The following RRAGD variants were observed in gnomAD, a reference collection of about 807,000 sequenced individuals.
RRAGD encodes the protein Ras related GTP binding D, also known as ras-related GTP-binding protein D.
In RRAGD, 12 loss-of-function variants were observed where a neutral mutation model predicts 35.5. The observed-to-expected ratio is 0.34, with a 90% CI of 0.22 to 0.55. The LOEUF (loss-of-function observed/expected upper bound fraction) is 0.55, where lower values mean the gene tolerates loss of function less well. Among genes scored for constraint, RRAGD ranks in the 20% least tolerant of loss-of-function variants. The pLI is 0.91. For synonymous variants in RRAGD, 155 were observed against 178.9 expected (o/e 0.87, Z 1.07); for missense variants, 324 against 490.1 (o/e 0.66, Z 3.20).
rs58343827 is a variant in RRAGD, at chr6:89,382,400, A to AATATATATATATATATATATATAT, written c.445-2034_445-2033insATATATATATATATATATATATAT. ...ACACAGTGAGACCCCTATCTCTAGA[A>AATATATATATATATATATATATAT]ATATATATATATATATATATATGTA... is the stretch of plus-strand genomic sequence containing the variant. On this transcript the variant is annotated intron_variant, in intron 2 of 6. Transcript: ENST00000369415. Among the ~76,000 whole-genome samples, 641 of 130,670 alleles carry AATATATATATATATATATATATAT rather than the reference A, an allele frequency of 4.9e-3. 11 individuals are homozygous for AATATATATATATATATATATATAT. Among genetic ancestry groups the AATATATATATATATATATATATAT allele is most frequent in the Admixed American group, 0.015 (189 of 12,652 alleles). 85.7% of individuals were successfully genotyped at this position (130,670 alleles called of 152,430 possible).
intron 1 of RRAGD, among the ~76,000 whole-genome samples, chr6:89,410,328 A>G (rs893836152): frequency 6.6e-6 from 1 of 152,094 alleles, no homozygotes; most frequent in Non-Finnish European, 1.5e-5. Flanking sequence ...TGTGTCCACC[A>G]TTTCAAATAC....
At chr6:89,396,265 A>G (rs1005425584) in intron 1 of RRAGD, among the ~76,000 whole-genome samples, 1 of 152,164 alleles carries the variant, frequency 6.6e-6, no homozygotes, top group African/African-American at 2.4e-5. Flanking sequence ...AAAAAATAAT[A>G]AAGTAAAAGA....
At chr6:89,404,847 A>G (rs1460476950) in intron 1 of RRAGD, among the ~76,000 whole-genome samples, 2 of 152,176 alleles carry the variant, frequency 1.3e-5, no homozygotes, top group South Asian at 2.1e-4. Context: ...GAAAATGGGA[A>G]TTGAAAGCCA....
At chr6:89,380,057 G>C in intron 3 of RRAGD, 111 bp downstream of exon 3, 1 of 891,744 alleles carries the variant, frequency 1.1e-6, no homozygotes, top group Non-Finnish European at 1.8e-6. Flanking sequence ...ATGAAACAGG[G>C]TAAAAAGAAG....
At chr6:89,397,604 AAAAAAAAAAC>A (rs572859401) in intron 1 of RRAGD, among the ~76,000 whole-genome samples, 1,442 of 138,144 alleles carry the variant, frequency 0.01, 11 homozygotes, top group South Asian at 0.03. Flanking sequence ...ACTCCGTCTC[AAAAAAAAAAC>A]AAAAAAAAAC....
chr6:89,410,857 C>T (rs1769678915), intron 1 of RRAGD, among the ~76,000 whole-genome samples: 1 of 152,164 alleles, frequency 6.6e-6, no homozygotes, highest in Non-Finnish European at 1.5e-5. Context: ...CACACAATTT[C>T]TTCAGTGTGA....
intron 1 of RRAGD, among the ~76,000 whole-genome samples, chr6:89,394,269 G>T (rs1422461466): frequency 6.6e-6 from 1 of 151,434 alleles, no homozygotes; most frequent in Admixed American, 6.6e-5. Context: ...AAATATCAAG[G>T]ATATCTATAG....
chr6:89,390,102 G>A (rs1769204198), intron 1 of RRAGD, among the ~76,000 whole-genome samples: 1 of 152,126 alleles, frequency 6.6e-6, no homozygotes, highest in South Asian at 2.1e-4. Flanking sequence ...TATTTAAGAA[G>A]GCAACATAGG....
chr6:89,384,813 C>CAAAA (rs34091216), intron 2 of RRAGD, among the ~76,000 whole-genome samples: 3 of 101,592 alleles, frequency 3.0e-5, no homozygotes, highest in Non-Finnish European at 6.4e-5. Context: ...GACTCCGTCT[C>CAAAA]AAAAAAAAAA....
chr6:89,387,240 G>A (rs1444543874), intron 2 of RRAGD, 55 bp downstream of exon 2: 1 of 1,535,752 alleles, frequency 6.5e-7, no homozygotes, highest in Non-Finnish European at 8.9e-7. Flanking sequence ...AAAAACATGG[G>A]GTGGGGTGGA....
At chr6:89,394,781 G>T (rs1769301699) in intron 1 of RRAGD, among the ~76,000 whole-genome samples, 1 of 152,110 alleles carries the variant, frequency 6.6e-6, no homozygotes, top group South Asian at 2.1e-4. Context: ...TTTTAAAACG[G>T]TCCAGAAGGA....
chr6:89,368,730 A>G (rs1768800486), intron 6 of RRAGD, among the ~76,000 whole-genome samples: 1 of 152,224 alleles, frequency 6.6e-6, no homozygotes, highest in South Asian at 2.1e-4. Flanking sequence ...GTTAACAGTC[A>G]TCTCGCCAAC....
chr6:89,385,119 C>T (rs1001576220), intron 2 of RRAGD, among the ~76,000 whole-genome samples: 1 of 152,130 alleles, frequency 6.6e-6, no homozygotes, highest in Non-Finnish European at 1.5e-5. Context: ...CATTTACCAA[C>T]CTAAATTGAA....
intron 5 of RRAGD, among the ~76,000 whole-genome samples, chr6:89,375,658 G>C (rs1248891917): frequency 6.6e-6 from 1 of 152,228 alleles, no homozygotes; most frequent in African/African-American, 2.4e-5. Flanking sequence ...GAGGGCCCCA[G>C]GCTCTGCACA....
Position 89,411,974 on chromosome 6 carries a change from T to C in RRAGD, c.20A>G (p.Lys7Arg). 6.5e-7 allele frequency: 1 copy of C among 1,535,966 alleles called. No individual in the cohort carries two copies. Among genetic ancestry groups the C allele is most frequent in the Non-Finnish European group, 8.7e-7 (1 of 1,145,794 alleles). Reference sequence around the variant, plus strand: ...GTCGTCCTCGTCCTGCGGCTGCGGCTTCCCCAGCACCTGGCTCATCGTGCC... The same window carrying C: ...GTCGTCCTCGTCCTGCGGCTGCGGCCTCCCCAGCACCTGGCTCATCGTGCC... MSQVLG[K>R]PQPQDEDDAE... is the part of the protein sequence containing the mutation. The change falls in exon 1 of 7, where the codon AAG (lysine) becomes AGG (arginine). Residue 7 changes from lysine (K) to arginine (R), a missense_variant. This residue lies in a region of RRAGD where 96 missense variants were observed against 78.7 expected (regional missense o/e 1.22). Coordinates refer to ENST00000369415, the MANE Select transcript of RRAGD (RefSeq NM_021244.5). The surrounding 1 kb of genome is among the most constrained non-coding windows in gnomAD (Gnocchi z 5.6).
intron 5 of RRAGD, among the ~76,000 whole-genome samples, chr6:89,376,181 G>A (rs1191058466): frequency 1.3e-5 from 2 of 152,142 alleles, no homozygotes; most frequent in Non-Finnish European, 2.9e-5. Context: ...AATTATAACA[G>A]TAATAATAAA....
At chr6:89,393,180 T>C (rs931425345) in intron 1 of RRAGD, among the ~76,000 whole-genome samples, 3 of 152,158 alleles carry the variant, frequency 2.0e-5, no homozygotes, top group African/African-American at 7.2e-5. Context: ...AGGTGCACAA[T>C]GAAACATGGA....
In RRAGD at chr6:89,368,027, G is replaced by A. The variant is rs368996963; in HGVS notation, c.*29C>T. On this transcript the variant is annotated 3_prime_UTR_variant, in exon 7 of 7. Transcript: ENST00000369415. The stretch of plus-strand genomic sequence containing the variant: ...CGCAGCAGCCTCATGGATAAGGTCT[G>A]ATTTCAAAAGACATTCCTGAAACCT... 5.8e-5 allele frequency: 91 copies of A among 1,568,242 alleles called. No homozygotes were observed. Among genetic ancestry groups the A allele is most frequent in the Non-Finnish European group, 7.6e-5 (88 of 1,157,464 alleles).
intron 1 of RRAGD, among the ~76,000 whole-genome samples, chr6:89,398,264 C>T (rs1032256669): frequency 3.9e-5 from 6 of 152,146 alleles, no homozygotes; most frequent in African/African-American, 1.4e-4. Flanking sequence ...CTTGACTGTG[C>T]TGATGGTTTC....
Sources: allele counts gnomAD v4.1 joint callset (sites outside exome capture counted in the v4.1 genomes callset), GRCh38; gene constraint gnomAD v4.1.1; regional missense constraint gnomAD v4.1.1; non-coding constraint Gnocchi (gnomAD v3.1); transcripts MANE v1.5; gene names NCBI Gene and HGNC (gene_info 2026-07-23, HGNC 2026-07-21).